PRKAR2B: variants seen among roughly 807,000 people sequenced by gnomAD.
PRKAR2B encodes cAMP-dependent protein kinase type II-beta regulatory subunit.
In PRKAR2B, 14 loss-of-function variants were observed where a neutral mutation model predicts 49.9. The observed-to-expected ratio is 0.28, with a 90% CI of 0.19 to 0.44. PRKAR2B has a LOEUF of 0.44. PRKAR2B is among the 20% of genes least tolerant of loss of function. The pLI is 1.00. For missense variants in PRKAR2B, 393 were observed against 537.9 expected, an observed-to-expected ratio of 0.73 and a Z score of 2.67; for synonymous variants, 196 against 197.7, an observed-to-expected ratio of 0.99 and a Z score of 0.07.
Position 107,090,042 on chromosome 7 carries a change from G to A in PRKAR2B, c.343+19726G>A, listed in dbSNP as rs150609436. 2.7e-3 allele frequency among the ~76,000 whole-genome samples: 408 copies of A among 152,250 alleles called. 3 individuals are homozygous for A. The highest frequency in any genetic ancestry group is 9.1e-3 in the African/African-American group (378 of 41,544). On this transcript the variant is annotated intron_variant, in intron 2 of 10. Coordinates refer to ENST00000265717, the MANE Select transcript of PRKAR2B (RefSeq NM_002736.3). The stretch of plus-strand genomic sequence containing the variant: ...TCCTTGTCATGATCTTTTTAAACAC[G>A]TATTCTTAACATCTGAATTCTCTTT...
rs75385144 is a variant in PRKAR2B, at chr7:107,045,003, G to T, written c.96G>T (p.Ala32=). The T allele has an allele frequency of 0.32, 488,501 of 1,550,344 alleles. 80,432 individuals carry two copies. The highest frequency in any genetic ancestry group is 0.45 in the Middle Eastern group (2,562 of 5,634). Residue 32 remains alanine, a synonymous_variant, in exon 1 of 11, where the codon GCG becomes GCT. Transcript: ENST00000265717. The part of the protein sequence containing the change: ...RHQPADLLEF[A]LQHFTRLQQE... ...AGCCCGCGGACCTGCTGGAGTTCGC[G>T]CTGCAGCACTTCACCCGCCTGCAGC...
chr7:107,076,998 A>G (rs938709521), intron 2 of PRKAR2B, among the ~76,000 whole-genome samples: 13 of 152,258 alleles, frequency 8.5e-5, no homozygotes, highest in African/African-American at 2.6e-4. Flanking sequence ...TTGTTTGGGA[A>G]ATATCTTGTA....
intron 4 of PRKAR2B, among the ~76,000 whole-genome samples, chr7:107,136,861 G>A (rs2115627019): frequency 6.6e-6 from 1 of 152,300 alleles, no homozygotes; most frequent in East Asian, 1.9e-4. Flanking sequence ...CTGTACACAG[G>A]TATTTGTAGC....
At chr7:107,066,299 G>GT (rs1794141986) in intron 1 of PRKAR2B, among the ~76,000 whole-genome samples, 1 of 84,900 alleles carries the variant, frequency 1.2e-5, no homozygotes, top group Non-Finnish European at 2.1e-5. Flanking sequence ...CTCTCTATGT[G>GT]GGGTGTGTGT....
intron 2 of PRKAR2B, among the ~76,000 whole-genome samples, chr7:107,096,081 C>A (rs929494568): frequency 6.6e-6 from 1 of 152,206 alleles, no homozygotes; most frequent in African/African-American, 2.4e-5. Context: ...AGGAATGGTA[C>A]CAGCTCCTCT....
At chr7:107,068,519 T>C (rs1292425567) in intron 1 of PRKAR2B, 1 of 152,160 alleles carries the variant, frequency 6.6e-6, no homozygotes, top group Non-Finnish European at 1.5e-5. Flanking sequence ...TAGTAAAATA[T>C]ATATAACACA....
chr7:107,147,295 G>C (rs1170648937), intron 6 of PRKAR2B, among the ~76,000 whole-genome samples: 1 of 152,274 alleles, frequency 6.6e-6, no homozygotes, highest in Non-Finnish European at 1.5e-5. Context: ...CTGGGCGACA[G>C]AGCGAGACTC....
intron 2 of PRKAR2B, among the ~76,000 whole-genome samples, chr7:107,092,776 T>C (rs1409699625): frequency 6.6e-6 from 1 of 152,232 alleles, no homozygotes; most frequent in African/African-American, 2.4e-5. Flanking sequence ...TCTGTGGTAT[T>C]AAGTACATTC....
chr7:107,109,733 G>A (rs2116822769), intron 2 of PRKAR2B, among the ~76,000 whole-genome samples: 1 of 152,200 alleles, frequency 6.6e-6, no homozygotes, highest in East Asian at 1.9e-4. Flanking sequence ...GATATTTTCT[G>A]TAGGTTCAAA....
intron 2 of PRKAR2B, among the ~76,000 whole-genome samples, chr7:107,079,990 A>G (rs1794485947): frequency 6.6e-6 from 1 of 152,248 alleles, no homozygotes; most frequent in South Asian, 2.1e-4. Flanking sequence ...GCTAAAGGGC[A>G]GGCTGAGTGA....
chr7:107,093,512 C>CTTTTTTTTTTT (rs58693908), intron 2 of PRKAR2B, among the ~76,000 whole-genome samples: 1 of 146,258 alleles, frequency 6.8e-6, no homozygotes, highest in African/African-American at 2.5e-5. Context: ...ACTTTTTTTT[C>CTTTTTTTTTTT]TTTTTTTTTT....
intron 7 of PRKAR2B, among the ~76,000 whole-genome samples, 193 bp from the exon 8 acceptor site, chr7:107,152,984 G>C (rs1351785862): frequency 6.6e-6 from 1 of 152,220 alleles, no homozygotes; most frequent in East Asian, 1.9e-4. Context: ...GATTTTTCAA[G>C]AGAAGCTGGA....
At chr7:107,061,948 A>G (rs1398999880) in intron 1 of PRKAR2B, among the ~76,000 whole-genome samples, 10 of 152,190 alleles carry the variant, frequency 6.6e-5, no homozygotes. Context: ...AATAGTGCTC[A>G]ATATTTTTAG....
At chr7:107,150,520 G>T (rs1795963832) in intron 6 of PRKAR2B, among the ~76,000 whole-genome samples, 1 of 151,866 alleles carries the variant, frequency 6.6e-6, no homozygotes, top group Admixed American at 6.6e-5. Context: ...CCACATTTTT[G>T]ACAAGAAAAT....
intron 2 of PRKAR2B, among the ~76,000 whole-genome samples, chr7:107,096,912 G>T (rs1445411073): frequency 6.6e-6 from 1 of 152,198 alleles, no homozygotes; most frequent in Non-Finnish European, 1.5e-5. Context: ...CACTTGCTGA[G>T]GGGTGCTTTA....
rs35682952 is a variant in PRKAR2B, at chr7:107,126,420, CAAAAAAAA to C, written c.397-1776_397-1769del. 1.6e-4 allele frequency among the ~76,000 whole-genome samples: 6 copies of C among 38,402 alleles called. 1 individual carries two copies. The highest frequency in any genetic ancestry group is 1.9e-3 in the South Asian group (2 of 1,078). 25.2% of individuals were successfully genotyped at this position (38,402 alleles called of 152,430 possible). ...TGGGCAACAGAGTGAGAATCTGTCT[CAAAAAAAA>C]AAAAAAAAAAAAAAAGTCGTCATTG... On this transcript the variant is annotated intron_variant, in intron 3 of 10. Transcript: ENST00000265717.
At chr7:107,082,701 C>T (rs1242812471) in intron 2 of PRKAR2B, among the ~76,000 whole-genome samples, 1 of 152,098 alleles carries the variant, frequency 6.6e-6, no homozygotes, top group Non-Finnish European at 1.5e-5. Flanking sequence ...TCGAGTGATC[C>T]TCCCTCTGCA....
intron 1 of PRKAR2B, among the ~76,000 whole-genome samples, chr7:107,050,178 G>A (rs538619929): frequency 6.6e-6 from 1 of 152,194 alleles, no homozygotes; most frequent in Non-Finnish European, 1.5e-5. Flanking sequence ...GAGAGCAAGA[G>A]AGAAGTAAAA....
At chr7:107,129,751 T>TA in intron 4 of PRKAR2B, among the ~76,000 whole-genome samples, 1 of 152,242 alleles carries the variant, frequency 6.6e-6, no homozygotes, top group Non-Finnish European at 1.5e-5. Flanking sequence ...GATGATATGC[T>TA]AAACAAGGGG....
Sources: allele counts gnomAD v4.1 joint callset (sites outside exome capture counted in the v4.1 genomes callset), GRCh38; gene constraint gnomAD v4.1.1; transcripts MANE v1.5; gene names NCBI Gene and HGNC (gene_info 2026-07-23, HGNC 2026-07-21).